The following PHLPP1 variants were observed in gnomAD, a reference collection of about 807,000 sequenced individuals.
PHLPP1 encodes the protein PH domain leucine-rich repeat-containing protein phosphatase 1.
PHLPP1 carries 42 observed loss-of-function variants against 117.2 expected under a neutral mutation model. That is an observed-to-expected ratio of 0.36 (90% CI 0.28 to 0.46). PHLPP1 has a LOEUF of 0.46. Ranked by LOEUF, PHLPP1 falls within the 20% of genes least tolerant of loss-of-function variation. The pLI is 1.00. For synonymous variants in PHLPP1, 1,042 were observed against 970.7 expected (o/e 1.07, Z -1.37); for missense variants, 2,084 against 2,241.9 (o/e 0.93, Z 1.42).
chr18:62,841,245 A>C (rs749750568), intron 3 of PHLPP1, among the ~76,000 whole-genome samples: 2 of 151,658 alleles, frequency 1.3e-5, no homozygotes, highest in African/African-American at 4.8e-5. Context: ...GATCTAATTC[A>C]AGATACCACA....
chr18:62,975,034 A>C (rs1338699686), intron 15 of PHLPP1, among the ~76,000 whole-genome samples: 1 of 152,114 alleles, frequency 6.6e-6, no homozygotes, highest in African/African-American at 2.4e-5. Context: ...GCAGATGGAG[A>C]AAGAAGTCAT....
At chr18:62,914,651 A>G (rs554460337) in intron 8 of PHLPP1, among the ~76,000 whole-genome samples, 1 of 152,244 alleles carries the variant, frequency 6.6e-6, no homozygotes, top group East Asian at 1.9e-4. Context: ...GCCCAGGCTG[A>G]TCTCGAACTC....
chr18:62,724,713 T>C (rs1055027394), intron 1 of PHLPP1, among the ~76,000 whole-genome samples: 3 of 152,250 alleles, frequency 2.0e-5, no homozygotes, highest in Non-Finnish European at 4.4e-5. Flanking sequence ...GTCGTTTCTC[T>C]ATTCAAGGTT....
chr18:62,860,376 A>G, intron 3 of PHLPP1, 59 bp from the exon 4 acceptor site: 2 of 1,381,246 alleles, frequency 1.4e-6, no homozygotes, highest in South Asian at 1.2e-5. Context: ...ATTTCTATCC[A>G]TAGAAAGTAG....
chr18:62,852,530 A>G (rs1037050370), intron 3 of PHLPP1, among the ~76,000 whole-genome samples: 9 of 151,992 alleles, frequency 5.9e-5, no homozygotes, highest in Non-Finnish European at 8.8e-5. Flanking sequence ...TTTTTAGTAG[A>G]GACGGGGTTT....
At chr18:62,759,997 C>T (rs901879802) in intron 1 of PHLPP1, among the ~76,000 whole-genome samples, 12 of 152,058 alleles carry the variant, frequency 7.9e-5, no homozygotes, top group Non-Finnish European at 1.6e-4. Context: ...GTCTCTTTGC[C>T]CCTTGGGTTC....
chr18:62,769,804 G>A (rs1035635481), intron 1 of PHLPP1, among the ~76,000 whole-genome samples: 1 of 152,104 alleles, frequency 6.6e-6, no homozygotes, highest in Admixed American at 6.5e-5. Context: ...ACTGTTATAC[G>A]TGAATCTAGA....
At chr18:62,969,027 TG>T (rs1910981063) in intron 14 of PHLPP1, among the ~76,000 whole-genome samples, 1 of 152,146 alleles carries the variant, frequency 6.6e-6, no homozygotes, top group South Asian at 2.1e-4. Context: ...ACATTTCTTA[TG>T]TTTTAATTTT....
chr18:62,765,722 G>A (rs1349329018), intron 1 of PHLPP1, among the ~76,000 whole-genome samples: 1 of 152,088 alleles, frequency 6.6e-6, no homozygotes, highest in Non-Finnish European at 1.5e-5. Flanking sequence ...GGGGCCGGGC[G>A]CAGTGGCTCA....
At chr18:62,768,420 A>G (rs1912628410) in intron 1 of PHLPP1, among the ~76,000 whole-genome samples, 1 of 152,174 alleles carries the variant, frequency 6.6e-6, no homozygotes, top group Admixed American at 6.5e-5. Flanking sequence ...CAGTGATATC[A>G]TTGGCTGACG....
chr18:62,826,078 C>T (rs755224699), intron 1 of PHLPP1, among the ~76,000 whole-genome samples: 2 of 151,880 alleles, frequency 1.3e-5, no homozygotes, highest in Admixed American at 6.6e-5. Flanking sequence ...ATTTCACCAT[C>T]CTTTATTCTC....
chr18:62,804,596 A>G (rs1305013562), intron 1 of PHLPP1, among the ~76,000 whole-genome samples: 1 of 152,050 alleles, frequency 6.6e-6, no homozygotes, highest in East Asian at 1.9e-4. Flanking sequence ...AGAAAAAGTA[A>G]TTGTTAGAGG....
chr18:62,831,723 G>T (rs1008940245), intron 2 of PHLPP1, among the ~76,000 whole-genome samples: 14 of 152,170 alleles, frequency 9.2e-5, no homozygotes, highest in South Asian at 4.1e-4. Context: ...CATGTGTATG[G>T]TAATAAATGG....
intron 1 of PHLPP1, among the ~76,000 whole-genome samples, chr18:62,736,919 C>T (rs890814919): frequency 2.6e-5 from 4 of 152,180 alleles, no homozygotes; most frequent in Non-Finnish European, 4.4e-5. Context: ...AATGCTAGCA[C>T]TAGCTATGGC....
chr18:62,880,632 G>GA (rs35112215), intron 4 of PHLPP1, among the ~76,000 whole-genome samples: 9,786 of 149,440 alleles, frequency 0.065, 433 homozygotes, highest in Non-Finnish European at 0.096. Context: ...GTGAGAAAAT[G>GA]AAAAAAAAAT....
In PHLPP1 at chr18:62,860,724, G is replaced by A. The variant is rs1459002329; in HGVS notation, c.2066+123G>A. ...TGTAAACTTTCTCCTTCAGATAACA[G>A]GGTAATAGGACTTTGTTTATTAGTG... On this transcript the variant is annotated intron_variant, in intron 4 of 16. Coordinates refer to ENST00000262719, the MANE Select transcript of PHLPP1 (RefSeq NM_194449.4). The A allele has an allele frequency of 5.3e-6, 4 of 749,560 alleles. No homozygotes were observed. The Admixed American group carries it at 8.8e-5, about 17-fold the overall frequency. 46.4% of individuals were successfully genotyped at this position (749,560 alleles called of 1,614,324 possible). A position where few individuals can be genotyped will look rare whatever the true frequency, so the allele number is the denominator to read the frequency against.
At chr18:62,860,393 G>C in intron 3 of PHLPP1, 42 bp from the exon 4 acceptor site, 1 of 1,543,264 alleles carries the variant, frequency 6.5e-7, no homozygotes, top group Non-Finnish European at 8.9e-7. Context: ...GTAGTTATAG[G>C]ATAAGTGGAT....
At chr18:62,725,818 G>T (rs1911051633) in intron 1 of PHLPP1, among the ~76,000 whole-genome samples, 1 of 152,090 alleles carries the variant, frequency 6.6e-6, no homozygotes, top group South Asian at 2.1e-4. Context: ...ATGAGAGTTA[G>T]CCTACTAAGT....
chr18:62,804,576 A>T (rs138596483), intron 1 of PHLPP1, among the ~76,000 whole-genome samples: 2 of 152,208 alleles, frequency 1.3e-5, no homozygotes, highest in East Asian at 3.9e-4. Flanking sequence ...AGTGAGAAAA[A>T]GAAAATAAAA....
Sources: gnomAD v4.1 joint callset for allele counts (sites outside exome capture counted in the v4.1 genomes callset) on GRCh38, gnomAD v4.1.1 for gene constraint, MANE v1.5 for transcripts, NCBI Gene and HGNC (gene_info 2026-07-23, HGNC 2026-07-21) for gene names.